The following FAF1 variants were observed in gnomAD, a reference collection of about 807,000 sequenced individuals.
FAF1 encodes the protein FAS-associated factor 1.
FAF1 carries 25 observed loss-of-function variants against 92.5 expected under a neutral mutation model. That is an observed-to-expected ratio of 0.27 (90% CI 0.20 to 0.38). FAF1 has a LOEUF of 0.38. Among genes scored for constraint, FAF1 ranks in the 10% least tolerant of loss-of-function variants. The pLI, the probability that FAF1 is intolerant of heterozygous loss-of-function variation, is 1.00. For missense variants in FAF1, 636 were observed against 793.3 expected, an observed-to-expected ratio of 0.80 and a Z score of 2.38; for synonymous variants, 234 against 273.2, an observed-to-expected ratio of 0.86 and a Z score of 1.42.
intron 12 of FAF1, among the ~76,000 whole-genome samples, chr1:50,577,886 C>T (rs146927922): frequency 1.1e-3 from 173 of 152,302 alleles, no homozygotes; most frequent in African/African-American, 3.7e-3. Context: ...AGCTCTGCTT[C>T]GTACAGTACT....
intron 17 of FAF1, among the ~76,000 whole-genome samples, chr1:50,481,132 TA>T (rs1646699219): frequency 6.6e-6 from 1 of 152,090 alleles, no homozygotes; most frequent in South Asian, 2.1e-4. Context: ...ATCAGAAAGT[TA>T]AAAAAATTAA....
intron 18 of FAF1, among the ~76,000 whole-genome samples, chr1:50,462,711 C>T (rs1395922145): frequency 6.6e-6 from 1 of 152,130 alleles, no homozygotes; most frequent in Non-Finnish European, 1.5e-5. Flanking sequence ...AGGGATTGTG[C>T]TTCCCTCATG....
chr1:50,775,568 G>A (rs141509272), intron 4 of FAF1, among the ~76,000 whole-genome samples: 3 of 152,188 alleles, frequency 2.0e-5, no homozygotes, highest in African/African-American at 7.2e-5. Context: ...GCAAGAAAAG[G>A]TTTATCAAAC....
At chr1:50,927,765 A>T (rs1295895934) in intron 1 of FAF1, among the ~76,000 whole-genome samples, 2 of 152,088 alleles carry the variant, frequency 1.3e-5, no homozygotes, top group Non-Finnish European at 2.9e-5. Flanking sequence ...ATCCAATATC[A>T]AGGTGTCAGC....
At chr1:50,927,879 C>T (rs539582213) in intron 1 of FAF1, among the ~76,000 whole-genome samples, 1 of 152,274 alleles carries the variant, frequency 6.6e-6, no homozygotes, top group African/African-American at 2.4e-5. Context: ...CTAATCTCCT[C>T]TTTTTCTTTT....
chr1:50,508,534 C>A (rs1647088726), intron 15 of FAF1, among the ~76,000 whole-genome samples: 1 of 152,080 alleles, frequency 6.6e-6, no homozygotes, highest in Admixed American at 6.6e-5. Context: ...ACATGCAAAT[C>A]CCTCAAGACA....
intron 8 of FAF1, among the ~76,000 whole-genome samples, chr1:50,604,469 G>A (rs1572863540): frequency 6.6e-6 from 1 of 152,134 alleles, no homozygotes; most frequent in Non-Finnish European, 1.5e-5. Flanking sequence ...GATAGCACAA[G>A]CATGTTCTCT....
At position 50,488,657 on chromosome 1, in the gene FAF1, G is replaced by A. The variant is rs189464836; in HGVS notation, c.1653+1931C>T. Among the ~76,000 whole-genome samples, 678 of 152,292 alleles carry A rather than the reference G, an allele frequency of 4.5e-3. 4 individuals are homozygous for A. Among genetic ancestry groups the A allele is most frequent in the African/African-American group, 0.013 (556 of 41,566 alleles). On this transcript the variant is annotated intron_variant, in intron 17 of 18. Transcript: ENST00000396153. ...CACAATGATATAGGGTTTTGTACTGGAATGGAGTATGAGAAACAGCTTTAT... is the reference window on the plus strand; with the variant it reads ...CACAATGATATAGGGTTTTGTACTGAAATGGAGTATGAGAAACAGCTTTAT...
chr1:50,801,069 C>T (rs544081927), intron 3 of FAF1, among the ~76,000 whole-genome samples: 28 of 152,346 alleles, frequency 1.8e-4, no homozygotes, highest in Middle Eastern at 6.8e-3. Context: ...TTGGCCACAT[C>T]TTCCAGTTTT....
chr1:50,465,884 T>G (rs182533060), intron 18 of FAF1, among the ~76,000 whole-genome samples: 115 of 152,274 alleles, frequency 7.6e-4, no homozygotes, highest in Admixed American at 1.7e-3. Context: ...TTTCATGGTG[T>G]TGTACAAATA....
rs557384840 is a variant in FAF1 at position 50,560,219 on chromosome 1, C to A, written c.1268+6858G>T. ...AAGCCACTGTGAATATGGCTAATTA[C>A]TGAGATGGAAAGTACATGTGAAGAC... On this transcript the variant is annotated intron_variant, in intron 13 of 18. Coordinates refer to ENST00000396153, the MANE Select transcript of FAF1 (RefSeq NM_007051.3). Among the ~76,000 whole-genome samples the A allele has an allele frequency of 4.6e-5, 7 of 152,318 alleles. No homozygotes were observed. The South Asian group carries it at 1.4e-3, about 32-fold the overall frequency.
At chr1:50,509,917 C>T (rs888469740) in intron 15 of FAF1, among the ~76,000 whole-genome samples, 1 of 152,010 alleles carries the variant, frequency 6.6e-6, no homozygotes, top group East Asian at 1.9e-4. Flanking sequence ...CCTGTAATCC[C>T]AGCACTTTGG....
chr1:50,832,523 G>C (rs1284242257), intron 2 of FAF1, among the ~76,000 whole-genome samples: 1 of 152,182 alleles, frequency 6.6e-6, no homozygotes, highest in African/African-American at 2.4e-5. Context: ...TAACATATAT[G>C]AGAGTTTGAC....
chr1:50,689,094 A>G (rs188811554), intron 7 of FAF1, among the ~76,000 whole-genome samples: 19 of 152,282 alleles, frequency 1.2e-4, no homozygotes, highest in Admixed American at 3.9e-4. Flanking sequence ...GGTTTTGAAA[A>G]TGGGTTAAAG....
chr1:50,945,438 A>G (rs1645166331), intron 1 of FAF1, among the ~76,000 whole-genome samples: 1 of 152,218 alleles, frequency 6.6e-6, no homozygotes, highest in Admixed American at 6.5e-5. Flanking sequence ...ATCATGTGAC[A>G]AACGGTTAAA....
At chr1:50,770,562 C>T (rs1660742604) in intron 4 of FAF1, among the ~76,000 whole-genome samples, 1 of 152,082 alleles carries the variant, frequency 6.6e-6, no homozygotes, top group Non-Finnish European at 1.5e-5. Flanking sequence ...GGTGAAAGAT[C>T]TCTACAATGA....
Position 50,669,171 on chromosome 1 carries a change from A to G in FAF1, c.658-13643T>C, listed in dbSNP as rs368041236. 6.6e-5 allele frequency among the ~76,000 whole-genome samples: 10 copies of G among 152,272 alleles called. No individual in the cohort carries two copies. The East Asian group carries it at 1.5e-3, about 24-fold the overall frequency. On this transcript the variant is annotated intron_variant, in intron 7 of 18. Transcript: ENST00000396153. ...CATGCCTAAATTCACATACTTTTCTAGTTGGGGATGCCCTCAAGTATTAAC... is the reference window on the plus strand; with the variant it reads ...CATGCCTAAATTCACATACTTTTCTGGTTGGGGATGCCCTCAAGTATTAAC...
At chr1:50,742,707 C>G (rs1323299267) in intron 5 of FAF1, among the ~76,000 whole-genome samples, 1 of 152,168 alleles carries the variant, frequency 6.6e-6, no homozygotes, top group Non-Finnish European at 1.5e-5. Flanking sequence ...CCACAGGTTT[C>G]TCAATGAATG....
At chr1:50,557,119 T>G (rs1297417206) in intron 13 of FAF1, among the ~76,000 whole-genome samples, 2 of 152,206 alleles carry the variant, frequency 1.3e-5, no homozygotes, top group Non-Finnish European at 2.9e-5. Flanking sequence ...CAAGGCTTTT[T>G]AATTTTTCAC....
Sources: allele counts gnomAD v4.1 joint callset (sites outside exome capture counted in the v4.1 genomes callset), GRCh38; gene constraint gnomAD v4.1.1; transcripts MANE v1.5; gene names NCBI Gene and HGNC (gene_info 2026-07-23, HGNC 2026-07-21).